The following DAPK2 variants were observed in gnomAD, a reference collection of about 807,000 sequenced individuals.
DAPK2 encodes death associated protein kinase 2, also known as death-associated protein kinase 2.
A neutral mutation model predicts 44.1 loss-of-function variants in DAPK2; 35 were observed. The ratio of observed to expected loss-of-function variants is 0.79; its 90% CI spans 0.61 to 1.05. The LOEUF is 1.05. Ranked by LOEUF, DAPK2 falls within the 50% of genes least tolerant of loss-of-function variation. The pLI, the probability that DAPK2 is intolerant of heterozygous loss-of-function variation, is 0.00. For missense variants in DAPK2, 453 were observed against 483.2 expected, an observed-to-expected ratio of 0.94 and a Z score of 0.59; for synonymous variants, 174 against 182.6, an observed-to-expected ratio of 0.95 and a Z score of 0.38.
intron 10 of DAPK2, chr15:63,911,598 C>A: frequency 2.5e-6 from 1 of 398,482 alleles, no homozygotes; most frequent in Non-Finnish European, 4.5e-6. Context: ...ATCAGAAATA[C>A]ATTTTGGGTT....
chr15:63,950,786 T>A (rs897017261), intron 3 of DAPK2, among the ~76,000 whole-genome samples: 1 of 152,126 alleles, frequency 6.6e-6, no homozygotes, highest in Non-Finnish European at 1.5e-5. Flanking sequence ...CCTCTCTAAA[T>A]CTCCATTGCC....
chr15:63,969,013 T>C (rs1231577633), intron 3 of DAPK2, among the ~76,000 whole-genome samples: 1 of 152,200 alleles, frequency 6.6e-6, no homozygotes, highest in East Asian at 1.9e-4. Context: ...TTCCTGCTGT[T>C]ACTACCCTGA....
intron 7 of DAPK2, 147 bp from the exon 9 acceptor site, chr15:63,925,008 G>A (rs1197349421): frequency 3.6e-6 from 3 of 835,118 alleles, no homozygotes; most frequent in East Asian, 2.7e-5. Context: ...AGAGATGGAT[G>A]GGAGCTGGCT....
chr15:64,023,964 T>C (rs1313300448), intron 1 of DAPK2, among the ~76,000 whole-genome samples: 1 of 151,926 alleles, frequency 6.6e-6, no homozygotes, highest in Admixed American at 6.6e-5. Context: ...ATCAGGGAGG[T>C]GCTGCAACAA....
chr15:63,926,676 A>T (rs569508000), intron 6 of DAPK2, among the ~76,000 whole-genome samples: 2 of 152,146 alleles, frequency 1.3e-5, no homozygotes, highest in Non-Finnish European at 2.9e-5. Flanking sequence ...TACATCTACT[A>T]TCTCCTGACT....
intron 3 of DAPK2, among the ~76,000 whole-genome samples, chr15:63,949,934 G>A (rs984191985): frequency 2.0e-5 from 3 of 152,182 alleles, no homozygotes; most frequent in East Asian, 3.8e-4. Flanking sequence ...TTCTTCAAAT[G>A]TTCTGAAATT....
intron 1 of DAPK2, among the ~76,000 whole-genome samples, chr15:64,022,449 T>C (rs771189394): frequency 5.3e-5 from 8 of 152,334 alleles, no homozygotes; most frequent in African/African-American, 1.2e-4. Flanking sequence ...CTTCACCCAA[T>C]AGACAAGTTC....
rs2078835766 is a variant in DAPK2 at position 63,912,942 on chromosome 15, T to C, written c.859-745A>G. ...TTTTGTAAAATAAGGTTTTGTGAAA[T>C]CAAGAGATAGGTTTCAGGGGTTCTG... On this transcript the variant is annotated intron_variant, in intron 8 of 10. Transcript: ENST00000261891. This position sits in a 1 kb window ranked among gnomAD's most constrained non-coding sequence, Gnocchi z 4.4. Among the ~76,000 whole-genome samples the C allele has an allele frequency of 6.6e-6, 1 of 152,188 alleles. No individual in the cohort carries two copies. The highest frequency in any genetic ancestry group is 2.4e-5 in the African/African-American group (1 of 41,440).
chr15:63,982,008 G>A (rs1379546052), intron 2 of DAPK2, among the ~76,000 whole-genome samples: 2 of 152,140 alleles, frequency 1.3e-5, no homozygotes, highest in African/African-American at 4.8e-5. Context: ...GATCTCAAAT[G>A]TCAGGTGGTC....
At chr15:64,011,436 C>T (rs2079387104) in intron 1 of DAPK2, among the ~76,000 whole-genome samples, 1 of 152,144 alleles carries the variant, frequency 6.6e-6, no homozygotes, top group Non-Finnish European at 1.5e-5. Flanking sequence ...TGGCGGGCAC[C>T]TGTAATCCAA....
At chr15:63,973,482 C>T (rs542387728) in intron 2 of DAPK2, among the ~76,000 whole-genome samples, 9 of 152,314 alleles carry the variant, frequency 5.9e-5, no homozygotes, top group African/African-American at 1.7e-4. Flanking sequence ...CCCATTCTTC[C>T]TTTTAGAATG....
chr15:63,945,160 C>G (rs1328133319), intron 3 of DAPK2, among the ~76,000 whole-genome samples: 1 of 152,184 alleles, frequency 6.6e-6, no homozygotes, highest in Non-Finnish European at 1.5e-5. Flanking sequence ...CCACCCTGAC[C>G]ACCCAGCTAA....
intron 1 of DAPK2, among the ~76,000 whole-genome samples, chr15:64,030,184 A>G (rs2079971705): frequency 6.6e-6 from 1 of 151,940 alleles, no homozygotes; most frequent in Non-Finnish European, 1.5e-5. Flanking sequence ...GCTACTGGGG[A>G]GGCTGAGGCA....
chr15:64,001,698 T>A (rs1209961068), intron 1 of DAPK2, among the ~76,000 whole-genome samples: 1 of 152,180 alleles, frequency 6.6e-6, no homozygotes, highest in Admixed American at 6.5e-5. Context: ...CGGCATTGAC[T>A]CCACCTGGAA....
intron 10 of DAPK2, among the ~76,000 whole-genome samples, chr15:63,909,980 A>C (rs2078745686): frequency 6.6e-6 from 1 of 152,200 alleles, no homozygotes; most frequent in Non-Finnish European, 1.5e-5. Flanking sequence ...ATCCAAGGTC[A>C]AGATCAACTT....
At position 64,013,811 on chromosome 15, in the gene DAPK2, C is replaced by A. The variant is rs2079450762; in HGVS notation, c.92+26359G>T. Among the ~76,000 whole-genome samples, 1 of 152,202 alleles carries A rather than the reference C, an allele frequency of 6.6e-6. No homozygotes were observed. Among genetic ancestry groups the A allele is most frequent in the African/African-American group, 2.4e-5 (1 of 41,440 alleles). ...CATCAAAGCCAGAGGAAACATGGGA[C>A]CAGTCCCTGTAAGTGGTCCAGCCTC... On this transcript the variant is annotated intron_variant, in intron 1 of 10. Transcript: ENST00000261891. This position sits in a 1 kb window ranked among gnomAD's most constrained non-coding sequence, Gnocchi z 4.7.
chr15:63,940,114 G>A (rs112479057), intron 3 of DAPK2, among the ~76,000 whole-genome samples: 3,251 of 152,270 alleles, frequency 0.021, 58 homozygotes, highest in Non-Finnish European at 0.034. Flanking sequence ...GGCTGCAATG[G>A]AATCCTGAGC....
At chr15:64,021,648 C>T (rs1206645109) in intron 1 of DAPK2, among the ~76,000 whole-genome samples, 1 of 152,152 alleles carries the variant, frequency 6.6e-6, no homozygotes, top group Non-Finnish European at 1.5e-5. Context: ...CAGAATGAAT[C>T]CCCAGAGAAC....
upstream of DAPK2, chr15:64,046,382 CGCGGCG>C (rs2080468505): frequency 3.4e-6 from 1 of 293,646 alleles, no homozygotes; most frequent in African/African-American, 3.8e-5. This position sits in a 1 kb window ranked among gnomAD's most constrained non-coding sequence, Gnocchi z 5.3. Context: ...GCGCGGCGGG[CGCGGCG>C]GGAACGGGGG....
Sources: allele counts gnomAD v4.1 joint callset (sites outside exome capture counted in the v4.1 genomes callset), GRCh38; gene constraint gnomAD v4.1.1; non-coding constraint Gnocchi (gnomAD v3.1); transcripts MANE v1.5; gene names NCBI Gene and HGNC (gene_info 2026-07-23, HGNC 2026-07-21).